Variants in CTNNA3 observed in about 807,000 individuals in gnomAD.
The protein encoded by CTNNA3 is catenin alpha 3, also known as catenin alpha-3.
CTNNA3 carries 76 observed loss-of-function variants against 95.7 expected under a neutral mutation model. That is an observed-to-expected ratio of 0.79 (90% CI 0.66 to 0.96). The LOEUF (loss-of-function observed/expected upper bound fraction) is 0.96. Ranked by LOEUF, CTNNA3 falls within the 40% of genes least tolerant of loss-of-function variation. The probability of loss-of-function intolerance (pLI) is 0.00; values close to 1 mark genes in which losing one functional copy is unlikely to be tolerated. For missense variants in CTNNA3, 1,191 were observed against 1,089.8 expected, an observed-to-expected ratio of 1.09 and a Z score of -1.31; for synonymous variants, 431 against 374.4, an observed-to-expected ratio of 1.15 and a Z score of -1.74.
At chr10:66,967,823 T>A (rs4746650) in intron 7 of CTNNA3, among the ~76,000 whole-genome samples, 1 of 151,980 alleles carries the variant, frequency 6.6e-6, no homozygotes, top group East Asian at 1.9e-4. Flanking sequence ...AAAGAATATA[T>A]CCCCTCGAAA....
At chr10:66,303,666 A>C (rs571581698) in intron 12 of CTNNA3, among the ~76,000 whole-genome samples, 8 of 152,114 alleles carry the variant, frequency 5.3e-5, no homozygotes, top group Non-Finnish European at 1.0e-4. Context: ...ACGGAGTCTC[A>C]CTCTGTCACC....
intron 5 of CTNNA3, among the ~76,000 whole-genome samples, chr10:67,397,405 C>T (rs892751084): frequency 2.0e-5 from 3 of 152,154 alleles, no homozygotes; most frequent in African/African-American, 7.2e-5. Flanking sequence ...AAACTGGCAG[C>T]ATTTTGCCCC....
At chr10:67,051,463 CT>C (rs11334360) in intron 7 of CTNNA3, among the ~76,000 whole-genome samples, 107,487 of 129,688 alleles carry the variant, frequency 0.83, 43,792 homozygotes, top group Middle Eastern at 0.92. Context: ...TTTCTTTTTT[CT>C]TTTTTTTTTT....
chr10:67,175,038 G>C (rs4746671), intron 7 of CTNNA3, among the ~76,000 whole-genome samples: 53,421 of 144,010 alleles, frequency 0.37, 13,916 homozygotes, highest in African/African-American at 0.75. Context: ...TACACTTGAG[G>C]TGATAATGAC....
chr10:66,334,644 T>A (rs986264488), intron 12 of CTNNA3, among the ~76,000 whole-genome samples: 1 of 152,084 alleles, frequency 6.6e-6, no homozygotes, highest in Non-Finnish European at 1.5e-5. Context: ...AACCCGACTT[T>A]TCTCTCTGGC....
chr10:67,111,625 ATG>A, intron 7 of CTNNA3, among the ~76,000 whole-genome samples: 1 of 152,120 alleles, frequency 6.6e-6, no homozygotes, highest in East Asian at 1.9e-4. Context: ...TCAAACCAAT[ATG>A]TGTTAGAAAG....
chr10:66,984,352 A>T (rs1850610601), intron 7 of CTNNA3, among the ~76,000 whole-genome samples: 1 of 152,194 alleles, frequency 6.6e-6, no homozygotes, highest in Non-Finnish European at 1.5e-5. Context: ...ACAACAAATT[A>T]GAGTGATGGG....
intron 13 of CTNNA3, among the ~76,000 whole-genome samples, chr10:66,224,568 G>A (rs1392432249): frequency 6.6e-6 from 1 of 152,140 alleles, no homozygotes; most frequent in Non-Finnish European, 1.5e-5. Flanking sequence ...GGGCGTAGAT[G>A]AGTCAGACAC....
intron 5 of CTNNA3, among the ~76,000 whole-genome samples, chr10:67,231,154 A>G (rs61866883): frequency 6.6e-6 from 1 of 152,226 alleles, no homozygotes; most frequent in African/African-American, 2.4e-5. Context: ...TGGGAAGCTC[A>G]AACTGGGTGG....
At chr10:67,548,887 TA>T (rs993910572) in intron 3 of CTNNA3, among the ~76,000 whole-genome samples, 50 of 151,280 alleles carry the variant, frequency 3.3e-4, no homozygotes, top group Non-Finnish European at 5.2e-4. Context: ...CAGAATCTAT[TA>T]AAAAAAAACT....
intron 2 of CTNNA3, among the ~76,000 whole-genome samples, chr10:67,607,648 TA>T (rs1203173557): frequency 1.3e-5 from 2 of 152,204 alleles, no homozygotes. Context: ...AGGTCAACTG[TA>T]TTTCATAGTA....
At chr10:66,672,751 TA>T (rs1442934446) in intron 9 of CTNNA3, among the ~76,000 whole-genome samples, 1 of 152,004 alleles carries the variant, frequency 6.6e-6, no homozygotes, top group Non-Finnish European at 1.5e-5. Flanking sequence ...CCCACTATCT[TA>T]ATACCAAGTG....
intron 9 of CTNNA3, among the ~76,000 whole-genome samples, chr10:66,761,213 G>A (rs1192627750): frequency 6.6e-6 from 1 of 152,048 alleles, no homozygotes; most frequent in Non-Finnish European, 1.5e-5. Context: ...CTGGGGCTTT[G>A]CTAAATAGGG....
intron 7 of CTNNA3, among the ~76,000 whole-genome samples, chr10:66,965,126 C>T (rs903093787): frequency 6.6e-6 from 1 of 152,132 alleles, no homozygotes; most frequent in African/African-American, 2.4e-5. Context: ...TGTTCTTTGT[C>T]CCATGCCAAA....
chr10:66,702,272 A>T (rs1797325612), intron 9 of CTNNA3, among the ~76,000 whole-genome samples: 1 of 152,000 alleles, frequency 6.6e-6, no homozygotes, highest in African/African-American at 2.4e-5. Context: ...CTGTGTTTTG[A>T]TTAATAGGTT....
intron 12 of CTNNA3, among the ~76,000 whole-genome samples, chr10:66,310,933 C>T (rs942780559): frequency 2.0e-5 from 3 of 152,200 alleles, no homozygotes; most frequent in East Asian, 3.9e-4. Flanking sequence ...ATGATCCACC[C>T]GCCTTGGCCT....
rs758133449 is a variant in CTNNA3, at chr10:67,721,116, T to A, written c.-2+42318A>T. On this transcript the variant is annotated intron_variant, in intron 1 of 17. Transcript: ENST00000684154. ...TTCATTTCAACCTTGGTAAATCTGATGACTGTGTATTATGTGTCTTAGGGT... is the reference window on the plus strand; with the variant it reads ...TTCATTTCAACCTTGGTAAATCTGAAGACTGTGTATTATGTGTCTTAGGGT... 2.6e-5 allele frequency among the ~76,000 whole-genome samples: 4 copies of A among 152,126 alleles called. No individual in the cohort carries two copies. In the East Asian group the frequency reaches 5.8e-4, roughly 22 times the overall value.
chr10:65,935,164 C>T (rs1372334923), intron 17 of CTNNA3, among the ~76,000 whole-genome samples: 3 of 152,066 alleles, frequency 2.0e-5, no homozygotes, highest in Non-Finnish European at 2.9e-5. Context: ...AACAGTAGTC[C>T]GTTGTCCTAA....
intron 12 of CTNNA3, among the ~76,000 whole-genome samples, chr10:66,378,525 T>G (rs1165832769): frequency 1.3e-5 from 2 of 152,196 alleles, no homozygotes; most frequent in African/African-American, 4.8e-5. Flanking sequence ...TCTGTAAGTT[T>G]CTTGGAGAAA....
Sources: gnomAD v4.1 joint callset for allele counts (sites outside exome capture counted in the v4.1 genomes callset) on GRCh38, gnomAD v4.1.1 for gene constraint, MANE v1.5 for transcripts, NCBI Gene and HGNC (gene_info 2026-07-23, HGNC 2026-07-21) for gene names.